The following CEP128 variants were observed in gnomAD, a reference collection of about 807,000 sequenced individuals.
CEP128 encodes centrosomal protein 128.
A neutral mutation model predicts 156.7 loss-of-function variants in CEP128; 132 were observed. The observed-to-expected ratio is 0.84, with a 90% CI of 0.73 to 0.97. CEP128 has a LOEUF of 0.97. CEP128 is among the 50% of genes least tolerant of loss of function. CEP128 has a pLI of 0.00. For missense variants in CEP128, 1,252 were observed against 1,281.9 expected, an observed-to-expected ratio of 0.98 and a Z score of 0.36; for synonymous variants, 469 against 448.9, an observed-to-expected ratio of 1.04 and a Z score of -0.57.
chr14:80,777,044 A>T (rs1001971363), intron 16 of CEP128, among the ~76,000 whole-genome samples: 5 of 152,214 alleles, frequency 3.3e-5, no homozygotes, highest in Non-Finnish European at 7.3e-5. Flanking sequence ...CATGAGAATT[A>T]ATAGTTACAG....
chr14:80,875,065 A>T (rs1888216963), intron 8 of CEP128, among the ~76,000 whole-genome samples: 1 of 152,240 alleles, frequency 6.6e-6, no homozygotes, highest in African/African-American at 2.4e-5. Context: ...CAGAAAAGGC[A>T]GCTGAGACAC....
rs74064282 is a variant in CEP128, at chr14:80,577,193, C to G, written c.2856+3181G>C. On this transcript the variant is annotated intron_variant, in intron 20 of 24. Coordinates refer to ENST00000555265, the MANE Select transcript of CEP128 (RefSeq NM_152446.5). ...TGTTGGTGTTTCCTAGGGTTCTGGC[C>G]TAGGATTTCATTTCTCCTCATTCTA... Among the ~76,000 whole-genome samples, 763 of 152,134 alleles carry G rather than the reference C, an allele frequency of 5.0e-3. 13 individuals carry two copies. Among genetic ancestry groups the G allele is most frequent in the African/African-American group, 0.017 (719 of 41,508 alleles).
intron 7 of CEP128, among the ~76,000 whole-genome samples, chr14:80,898,975 T>G (rs913563137): frequency 2.0e-5 from 3 of 152,182 alleles, no homozygotes; most frequent in Non-Finnish European, 2.9e-5. Flanking sequence ...TCTAGAGAGC[T>G]GAGTTATTTC....
chr14:80,586,477 T>A (rs1037608095), intron 19 of CEP128, among the ~76,000 whole-genome samples: 1 of 151,848 alleles, frequency 6.6e-6, no homozygotes, highest in Non-Finnish European at 1.5e-5. Flanking sequence ...GGTCCAGTAC[T>A]TTTTTTTTCT....
intron 19 of CEP128, among the ~76,000 whole-genome samples, chr14:80,714,625 C>A (rs1363446796): frequency 6.6e-6 from 1 of 151,862 alleles, no homozygotes; most frequent in Non-Finnish European, 1.5e-5. Context: ...AACAGGCAAA[C>A]CTCAAACTTC....
intron 2 of CEP128, among the ~76,000 whole-genome samples, chr14:80,927,592 AGT>A (rs1475088195): frequency 6.6e-6 from 1 of 152,180 alleles, no homozygotes; most frequent in Non-Finnish European, 1.5e-5. Context: ...CTTCGTGCAG[AGT>A]GTGACTGGGA....
At chr14:80,703,529 T>C (rs2139372908) in intron 19 of CEP128, among the ~76,000 whole-genome samples, 1 of 152,148 alleles carries the variant, frequency 6.6e-6, no homozygotes, top group African/African-American at 2.4e-5. Flanking sequence ...AAAAAGTGTT[T>C]ACTATTTTAA....
intron 13 of CEP128, among the ~76,000 whole-genome samples, chr14:80,808,834 AC>A (rs1207908350): frequency 6.6e-6 from 1 of 152,162 alleles, no homozygotes; most frequent in Non-Finnish European, 1.5e-5. Context: ...GCCCTTCCCA[AC>A]CAACGCCACT....
chr14:80,485,402 C>A (rs1887140270), intron 14 of CEP128, among the ~76,000 whole-genome samples: 1 of 151,994 alleles, frequency 6.6e-6, no homozygotes, highest in Non-Finnish European at 1.5e-5. Context: ...CAATTTCATT[C>A]CTTTTTCTGA....
intron 2 of CEP128, among the ~76,000 whole-genome samples, chr14:80,923,475 C>T (rs955002059): frequency 6.6e-6 from 1 of 152,198 alleles, no homozygotes; most frequent in African/African-American, 2.4e-5. Flanking sequence ...GATTCTCAAA[C>T]CTCTTTTCCT....
intron 23 of CEP128, among the ~76,000 whole-genome samples, chr14:80,510,833 T>G (rs990448083): frequency 6.6e-6 from 1 of 152,036 alleles, no homozygotes; most frequent in Non-Finnish European, 1.5e-5. Flanking sequence ...TGAAGGATGT[T>G]TATCAAATGC....
chr14:80,873,867 T>C (rs1888148094), intron 8 of CEP128, among the ~76,000 whole-genome samples: 1 of 152,116 alleles, frequency 6.6e-6, no homozygotes, highest in South Asian at 2.1e-4. Flanking sequence ...ATATTTTAAA[T>C]AAAATTGTTT....
chr14:80,582,638 G>C (rs961308619), intron 19 of CEP128, among the ~76,000 whole-genome samples: 8 of 151,958 alleles, frequency 5.3e-5, no homozygotes, highest in African/African-American at 1.9e-4. Context: ...ATTGGACTAA[G>C]AATAGAAAGA....
At chr14:80,900,077 TTCCATG>T in intron 6 of CEP128, 48 bp from the exon 7 acceptor site, 8 of 1,218,852 alleles carry the variant, frequency 6.6e-6, no homozygotes, top group African/African-American at 1.5e-5. Context: ...TGTTGAATTC[TTCCATG>T]AAGATTCACC....
At chr14:80,683,406 CAAG>C (rs1364155530) in intron 19 of CEP128, among the ~76,000 whole-genome samples, 4 of 151,180 alleles carry the variant, frequency 2.6e-5, no homozygotes, top group African/African-American at 7.4e-5. Flanking sequence ...CTCCATCCAA[CAAG>C]AAGACTTACC....
At chr14:80,623,481 ATAAAC>A (rs1380181252) in intron 19 of CEP128, among the ~76,000 whole-genome samples, 1 of 151,856 alleles carries the variant, frequency 6.6e-6, no homozygotes, top group Non-Finnish European at 1.5e-5. Flanking sequence ...AAATAAATAA[ATAAAC>A]AAACTGAAAA....
chr14:80,573,701 A>T (rs1891241399), intron 20 of CEP128, among the ~76,000 whole-genome samples: 2 of 152,102 alleles, frequency 1.3e-5, no homozygotes, highest in South Asian at 2.1e-4. Flanking sequence ...AAGGGTGTAA[A>T]CCTAATTGGC....
At chr14:80,525,973 T>C (rs1387378173) in intron 23 of CEP128, among the ~76,000 whole-genome samples, 1 of 136,276 alleles carries the variant, frequency 7.3e-6, no homozygotes, top group Non-Finnish European at 1.6e-5. Context: ...TGTAAGAATA[T>C]AAAAAAGCCA....
intron 19 of CEP128, among the ~76,000 whole-genome samples, chr14:80,672,425 C>T (rs1195105541): frequency 6.6e-6 from 1 of 151,886 alleles, no homozygotes; most frequent in East Asian, 1.9e-4. Context: ...AATCTAATTT[C>T]TATAAAATGC....
Sources: allele counts gnomAD v4.1 joint callset (sites outside exome capture counted in the v4.1 genomes callset), GRCh38; gene constraint gnomAD v4.1.1; transcripts MANE v1.5; gene names NCBI Gene and HGNC (gene_info 2026-07-23, HGNC 2026-07-21).